The following DAB1 variants were observed in gnomAD, a reference collection of about 807,000 sequenced individuals.
The protein encoded by DAB1 is DAB adaptor protein 1.
DAB1 carries 15 observed loss-of-function variants against 64.6 expected under a neutral mutation model. The observed-to-expected ratio is 0.23, with a 90% CI of 0.16 to 0.36. The LOEUF is 0.36. Ranked by LOEUF, DAB1 falls within the 10% of genes least tolerant of loss-of-function variation. The pLI, the probability that DAB1 is intolerant of heterozygous loss-of-function variation, is 1.00. For synonymous variants in DAB1, 235 were observed against 251.9 expected, an observed-to-expected ratio of 0.93 and a Z score of 0.64; for missense variants, 596 against 706.7, an observed-to-expected ratio of 0.84 and a Z score of 1.78.
intron 9 of DAB1, among the ~76,000 whole-genome samples, chr1:57,058,665 C>T (rs1312951002): frequency 2.0e-5 from 3 of 152,158 alleles, no homozygotes; most frequent in African/African-American, 7.2e-5. Flanking sequence ...TTAATCTAAA[C>T]TCTCAGAACT....
At chr1:57,828,086 C>T (rs1652434774) in intron 1 of DAB1, among the ~76,000 whole-genome samples, 1 of 152,104 alleles carries the variant, frequency 6.6e-6, no homozygotes, top group Admixed American at 6.5e-5. Context: ...CCTGGGACTA[C>T]AGGCGCCCAC....
chr1:57,737,916 T>G (rs1570781965), intron 6 of DAB1, among the ~76,000 whole-genome samples: 2 of 152,316 alleles, frequency 1.3e-5, no homozygotes, highest in East Asian at 3.9e-4. Flanking sequence ...TGACTGGAAC[T>G]AGGGCAAAGC....
chr1:57,761,074 T>G (rs1243791559), intron 6 of DAB1, among the ~76,000 whole-genome samples: 2 of 152,204 alleles, frequency 1.3e-5, no homozygotes, highest in Non-Finnish European at 2.9e-5. Flanking sequence ...GGAACTTGGG[T>G]CAGATCTATG....
intron 5 of DAB1, among the ~76,000 whole-genome samples, chr1:57,994,758 A>G (rs935699524): frequency 5.3e-5 from 8 of 152,188 alleles, no homozygotes; most frequent in African/African-American, 1.7e-4. Context: ...ATAGATGAGC[A>G]TACACCTGGA....
chr1:58,470,652 T>C (rs924342341), intron 3 of DAB1, among the ~76,000 whole-genome samples: 1 of 152,180 alleles, frequency 6.6e-6, no homozygotes, highest in Non-Finnish European at 1.5e-5. Context: ...TTTTTGCCTA[T>C]TGTTTGGGCC....
chr1:58,371,217 T>C (rs375421987), intron 3 of DAB1, among the ~76,000 whole-genome samples: 2 of 152,160 alleles, frequency 1.3e-5, no homozygotes, highest in East Asian at 3.9e-4. Flanking sequence ...GAGGAACTTA[T>C]TGGGAATTGG....
Position 57,238,842 on chromosome 1 carries a change from C to CACACACACACACACAT in DAB1, c.67+52121_67+52122insATGTGTGTGTGTGTGT, listed in dbSNP as rs1491519803. On this transcript the variant is annotated intron_variant, in intron 2 of 14. Coordinates refer to ENST00000371236, the MANE Select transcript of DAB1 (RefSeq NM_001365792.1). ...ACACTGGCAGGCGTGTGCACATGCG[C>CACACACACACACACAT]ACACACACACACACACATACACACA... 1.6e-4 allele frequency among the ~76,000 whole-genome samples: 17 copies of CACACACACACACACAT among 108,892 alleles called. No individual in the cohort carries two copies. In the East Asian group the frequency reaches 4.2e-3, roughly 27 times the overall value. 71.4% of individuals were successfully genotyped at this position (108,892 alleles called of 152,430 possible). A position where few individuals can be genotyped will look rare whatever the true frequency, so the allele number is the denominator to read the frequency against.
intron 7 of DAB1, among the ~76,000 whole-genome samples, chr1:57,594,990 G>A (rs1030460588): frequency 6.6e-6 from 1 of 152,132 alleles, no homozygotes; most frequent in African/African-American, 2.4e-5. Flanking sequence ...GATTACAGGC[G>A]TGAGCCACCA....
chr1:57,462,394 G>A (rs1449372794), intron 7 of DAB1, among the ~76,000 whole-genome samples: 1 of 152,162 alleles, frequency 6.6e-6, no homozygotes, highest in Non-Finnish European at 1.5e-5. Flanking sequence ...GAAAGAATCA[G>A]TGGTTTTTAA....
intron 9 of DAB1, among the ~76,000 whole-genome samples, chr1:57,061,661 A>G (rs1650408832): frequency 6.6e-6 from 1 of 152,204 alleles, no homozygotes. Flanking sequence ...TTTTCCATAC[A>G]GTGGCCTTTG....
At chr1:57,367,947 A>AC (rs1680193802) in intron 1 of DAB1, among the ~76,000 whole-genome samples, 1 of 152,098 alleles carries the variant, frequency 6.6e-6, no homozygotes, top group African/African-American at 2.4e-5. Flanking sequence ...AGCCGCCCAA[A>AC]CCACAGCTGT....
At chr1:57,550,983 A>G (rs1288137135) in intron 7 of DAB1, among the ~76,000 whole-genome samples, 1 of 152,096 alleles carries the variant, frequency 6.6e-6, no homozygotes, top group Non-Finnish European at 1.5e-5. Context: ...CATTATCCCC[A>G]CTTTACAGTT....
At chr1:58,385,512 G>C (rs138328749) in intron 3 of DAB1, among the ~76,000 whole-genome samples, 31 of 152,280 alleles carry the variant, frequency 2.0e-4, no homozygotes, top group Middle Eastern at 3.4e-3. Flanking sequence ...AAGACCTCCT[G>C]AAGAGATTAT....
chr1:58,265,831 T>TA (rs779865646), intron 4 of DAB1, among the ~76,000 whole-genome samples: 98 of 152,224 alleles, frequency 6.4e-4, no homozygotes, highest in Non-Finnish European at 1.0e-3. Context: ...TGAAGGATAA[T>TA]AAAAAAAATT....
intron 7 of DAB1, among the ~76,000 whole-genome samples, chr1:57,533,563 A>ATATATATATATATATATATG (rs1464411922): frequency 6.7e-6 from 1 of 149,484 alleles, no homozygotes; most frequent in African/African-American, 2.4e-5. Context: ...ATATATATAT[A>ATATATATATATATATATATG]TATGTATATA....
At chr1:57,768,932 G>T (rs557137558) in intron 6 of DAB1, among the ~76,000 whole-genome samples, 14 of 151,998 alleles carry the variant, frequency 9.2e-5, no homozygotes, top group Non-Finnish European at 1.5e-4. Flanking sequence ...CACCAAAATT[G>T]CTCTTTGGCC....
At chr1:58,398,364 C>T (rs533673511) in intron 3 of DAB1, among the ~76,000 whole-genome samples, 4 of 152,330 alleles carry the variant, frequency 2.6e-5, no homozygotes, top group African/African-American at 9.6e-5. Flanking sequence ...AAAGAATCCA[C>T]ATGTGCCATG....
intron 1 of DAB1, among the ~76,000 whole-genome samples, chr1:57,299,716 A>G (rs540685039): frequency 6.6e-6 from 1 of 152,156 alleles, no homozygotes; most frequent in South Asian, 2.1e-4. Context: ...TTACAAAAAC[A>G]TATCTACCAG....
At chr1:58,228,542 C>T (rs1659611728) in intron 4 of DAB1, 1 of 402,772 alleles carries the variant, frequency 2.5e-6, no homozygotes, top group Non-Finnish European at 4.7e-6. Flanking sequence ...GGTCCATTAT[C>T]GTGTGTGGAT....
Sources: gnomAD v4.1 joint callset for allele counts (sites outside exome capture counted in the v4.1 genomes callset) on GRCh38, gnomAD v4.1.1 for gene constraint, MANE v1.5 for transcripts, NCBI Gene and HGNC (gene_info 2026-07-23, HGNC 2026-07-21) for gene names.